The following DCDC1 variants were observed in gnomAD, a reference collection of about 807,000 sequenced individuals.
DCDC1 encodes doublecortin domain-containing protein 1.
Under a neutral mutation model 178.3 loss-of-function variants are expected in DCDC1, and 200 were observed. The ratio of observed to expected loss-of-function variants is 1.12; its 90% CI spans 1.00 to 1.26. The LOEUF is 1.26. Among genes scored for constraint, DCDC1 ranks in the 50% most tolerant of loss-of-function variants. The pLI, the probability that DCDC1 is intolerant of heterozygous loss-of-function variation, is 0.00. For missense variants in DCDC1, 1,983 were observed against 1,749.2 expected (o/e 1.13, Z -2.38); for synonymous variants, 690 against 604.8 (o/e 1.14, Z -2.07).
chr11:30,994,845 T>A (rs1476896728), intron 20 of DCDC1, among the ~76,000 whole-genome samples: 1 of 149,272 alleles, frequency 6.7e-6, no homozygotes, highest in Non-Finnish European at 1.5e-5. Context: ...ACTGAATGTT[T>A]CCCCCTAAAA....
chr11:31,121,747 G>A (rs1241790929), intron 11 of DCDC1, among the ~76,000 whole-genome samples: 2 of 151,876 alleles, frequency 1.3e-5, no homozygotes, highest in East Asian at 3.9e-4. Context: ...TCTTGAAGTT[G>A]AGCTGTGAGC....
chr11:30,988,174 G>C (rs1396269104), intron 20 of DCDC1, among the ~76,000 whole-genome samples: 4 of 152,138 alleles, frequency 2.6e-5, no homozygotes, highest in Non-Finnish European at 5.9e-5. Flanking sequence ...CTGCTAGATG[G>C]AGAATAAATA....
rs146665151 is a variant in DCDC1, at chr11:31,306,334, C to A, written c.489G>T (p.Leu163Phe). The A allele has an allele frequency of 1.2e-6, 2 of 1,609,636 alleles. No individual in the cohort carries two copies. Among genetic ancestry groups the A allele is most frequent in the Non-Finnish European group, 1.7e-6 (2 of 1,177,890 alleles). Residue 163 changes from leucine to phenylalanine, a missense_variant, in exon 5 of 39, where the codon TTG becomes TTT. Physicochemically the swap from Leu to Phe is conservative, Grantham distance 22. Coordinates refer to ENST00000684477, the MANE Select transcript of DCDC1 (RefSeq NM_001387274.1). ...TTGGTTGAAGTTTGTGTCTTTGAGA[C>A]AATTTCTGCCAATTCCGGGCTGACT... ...KFQSARNWQKLSQRHKLQPRV... is the reference protein window; with the variant it reads ...KFQSARNWQKFSQRHKLQPRV...
intron 13 of DCDC1, among the ~76,000 whole-genome samples, chr11:31,104,299 T>A (rs991598794): frequency 1.3e-5 from 2 of 152,154 alleles, no homozygotes; most frequent in African/African-American, 4.8e-5. Flanking sequence ...TATTGTACAC[T>A]ATGAGCCATT....
intron 9 of DCDC1, among the ~76,000 whole-genome samples, chr11:31,164,029 A>G (rs1165484182): frequency 6.6e-6 from 1 of 152,186 alleles, no homozygotes; most frequent in Non-Finnish European, 1.5e-5. Flanking sequence ...ACATAAAGTA[A>G]CATAACATAC....
intron 9 of DCDC1, among the ~76,000 whole-genome samples, chr11:31,230,656 A>G (rs1288274009): frequency 6.6e-6 from 1 of 152,200 alleles, no homozygotes; most frequent in Non-Finnish European, 1.5e-5. Context: ...TGACTCCAGA[A>G]TATTTTACTC....
intron 20 of DCDC1, among the ~76,000 whole-genome samples, chr11:31,044,983 ATGT>A (rs573238611): frequency 3.5e-4 from 53 of 152,130 alleles, no homozygotes; most frequent in Admixed American, 1.3e-3. Context: ...AGTGAGAGAG[ATGT>A]TATTATACTT....
chr11:31,098,987 C>T (rs1327574847), intron 15 of DCDC1, among the ~76,000 whole-genome samples: 1 of 152,160 alleles, frequency 6.6e-6, no homozygotes, highest in East Asian at 1.9e-4. Context: ...TTCACTAAAT[C>T]ATTAGAACCA....
At chr11:31,081,897 T>C (rs1419981386) in intron 17 of DCDC1, among the ~76,000 whole-genome samples, 1 of 152,194 alleles carries the variant, frequency 6.6e-6, no homozygotes, top group Non-Finnish European at 1.5e-5. Context: ...AAAGGTATCA[T>C]TCTAATTTAC....
At chr11:31,237,191 C>T (rs1453463307) in intron 9 of DCDC1, among the ~76,000 whole-genome samples, 9 of 151,666 alleles carry the variant, frequency 5.9e-5, no homozygotes, top group Non-Finnish European at 1.2e-4. Context: ...TAAAGTGAGC[C>T]AACATTAACT....
intron 20 of DCDC1, among the ~76,000 whole-genome samples, chr11:31,047,276 G>A (rs1954905186): frequency 6.6e-6 from 1 of 152,120 alleles, no homozygotes; most frequent in African/African-American, 2.4e-5. Flanking sequence ...TATATTTAAT[G>A]TAAGGAAAAC....
At chr11:30,931,998 G>A (rs1004498464) in intron 21 of DCDC1, 46 bp from the exon 22 acceptor site, 22 of 1,511,302 alleles carry the variant, frequency 1.5e-5, no homozygotes, top group Non-Finnish European at 1.9e-5. Context: ...ACAGAAGAAG[G>A]GTCATGTCTA....
At chr11:31,240,577 T>C (rs1225875235) in intron 9 of DCDC1, among the ~76,000 whole-genome samples, 2 of 151,932 alleles carry the variant, frequency 1.3e-5, no homozygotes, top group African/African-American at 4.8e-5. Flanking sequence ...GAGAATAATA[T>C]AGCATGATGC....
chr11:30,979,223 A>C (rs1950262447), intron 20 of DCDC1, among the ~76,000 whole-genome samples: 1 of 152,204 alleles, frequency 6.6e-6, no homozygotes, highest in South Asian at 2.1e-4. Context: ...CATCTAAGAG[A>C]GAACATGAAA....
chr11:31,199,566 C>T (rs1434117066), intron 9 of DCDC1, among the ~76,000 whole-genome samples: 1 of 152,094 alleles, frequency 6.6e-6, no homozygotes. Flanking sequence ...GCTTGCTTCC[C>T]TGCTGCTCAG....
chr11:31,019,328 G>A (rs527596252), intron 20 of DCDC1, among the ~76,000 whole-genome samples: 6 of 152,218 alleles, frequency 3.9e-5, no homozygotes, highest in African/African-American at 1.2e-4. Context: ...ATGAGGCAGG[G>A]CAAATACATG....
At chr11:31,267,490 C>A (rs1945249917) in intron 7 of DCDC1, among the ~76,000 whole-genome samples, 2 of 152,318 alleles carry the variant, frequency 1.3e-5, no homozygotes, top group Non-Finnish European at 2.9e-5. Flanking sequence ...TCACGCCCAG[C>A]CAGGAATATT....
chr11:30,873,360 T>TAGAGAG (rs1318294592), intron 38 of DCDC1, among the ~76,000 whole-genome samples: 92 of 138,654 alleles, frequency 6.6e-4, no homozygotes, highest in African/African-American at 1.9e-3. Flanking sequence ...TATATATATA[T>TAGAGAG]ATATAGAGAG....
At chr11:31,224,550 T>C (rs962029302) in intron 9 of DCDC1, among the ~76,000 whole-genome samples, 3 of 151,906 alleles carry the variant, frequency 2.0e-5, no homozygotes, top group African/African-American at 4.8e-5. Flanking sequence ...CAAAAGAAAC[T>C]ATCAGCAGAG....
Sources: allele counts gnomAD v4.1 joint callset (sites outside exome capture counted in the v4.1 genomes callset), GRCh38; gene constraint gnomAD v4.1.1; transcripts MANE v1.5; gene names NCBI Gene and HGNC (gene_info 2026-07-23, HGNC 2026-07-21).